The following TENM3 variants were observed in gnomAD, a reference collection of about 807,000 sequenced individuals.
TENM3 encodes teneurin-3.
TENM3 carries 63 observed loss-of-function variants against 255.1 expected under a neutral mutation model. The ratio of observed to expected loss-of-function variants is 0.25; its 90% CI spans 0.20 to 0.30. The LOEUF (loss-of-function observed/expected upper bound fraction) is 0.30. Ranked by LOEUF, TENM3 falls within the 10% of genes least tolerant of loss-of-function variation. TENM3 has a pLI of 1.00. For missense variants in TENM3, 2,929 were observed against 3,461.1 expected, an observed-to-expected ratio of 0.85 and a Z score of 3.86; for synonymous variants, 1,306 against 1,322.3, an observed-to-expected ratio of 0.99 and a Z score of 0.27.
At chr4:182,150,238 G>A (rs900428154) in intron 1 of TENM3, among the ~76,000 whole-genome samples, 3 of 151,344 alleles carry the variant, frequency 2.0e-5, no homozygotes, top group African/African-American at 7.3e-5. Flanking sequence ...GGAAGGGAGG[G>A]GAGTAAGAGA....
chr4:181,639,805 A>G, the TENM3 span, among the ~76,000 whole-genome samples: 1 of 152,096 alleles, frequency 6.6e-6, no homozygotes, highest in Non-Finnish European at 1.5e-5. Flanking sequence ...CTGTGACACT[A>G]CACACTCCTG....
the TENM3 span, among the ~76,000 whole-genome samples, chr4:181,618,442 C>T: frequency 6.6e-6 from 1 of 152,164 alleles, no homozygotes; most frequent in Non-Finnish European, 1.5e-5. Context: ...CAGCTGTTGA[C>T]CAGAGGGTGA....
chr4:182,216,062 C>T (rs529365822), intron 1 of TENM3, among the ~76,000 whole-genome samples: 1 of 152,260 alleles, frequency 6.6e-6, no homozygotes, highest in South Asian at 2.1e-4. Context: ...ATATTTGTTT[C>T]GTGGTTGATT....
the TENM3 span, among the ~76,000 whole-genome samples, chr4:181,467,865 T>C: frequency 6.6e-6 from 1 of 152,180 alleles, no homozygotes; most frequent in Non-Finnish European, 1.5e-5. Context: ...GCAGATATTT[T>C]CATTACTTTC....
the TENM3 span, among the ~76,000 whole-genome samples, chr4:181,989,519 G>T: frequency 6.6e-6 from 1 of 152,092 alleles, no homozygotes; most frequent in Non-Finnish European, 1.5e-5. Flanking sequence ...ATTTTCAAAA[G>T]GTTGATTCCC....
intron 3 of TENM3, among the ~76,000 whole-genome samples, chr4:182,558,699 A>G (rs1013253552): frequency 6.6e-6 from 1 of 152,220 alleles, no homozygotes; most frequent in Non-Finnish European, 1.5e-5. Flanking sequence ...CATGCATTAA[A>G]GTATTTCTCC....
intron 3 of TENM3, among the ~76,000 whole-genome samples, chr4:182,594,770 A>T (rs1181990849): frequency 6.7e-6 from 1 of 148,444 alleles, no homozygotes; most frequent in Admixed American, 6.8e-5. Flanking sequence ...CCCAGACTGG[A>T]GTGCAGTGGC....
rs779485816 is a variant in TENM3 at position 182,793,761 on chromosome 4, G to C, written c.7089G>C (p.Arg2363=). 3.7e-6 allele frequency: 6 copies of C among 1,613,876 alleles called. No homozygotes were observed. Among genetic ancestry groups the C allele is most frequent in the Non-Finnish European group, 5.1e-6 (6 of 1,179,888 alleles). ...GERDYDILAG[R]WTTPDIEIWK... is the part of the protein sequence containing the mutation. ...GAGATTATGACATTTTGGCAGGACG[G>C]TGGACAACACCTGACATAGAAATCT... Residue 2363 remains arginine (R), a synonymous_variant, in exon 26 of 28, where the codon CGG becomes CGC. Transcript: ENST00000511685. The surrounding 1 kb of genome is among the most constrained non-coding windows in gnomAD (Gnocchi z 5.7).
chr4:182,002,475 C>T, the TENM3 span, among the ~76,000 whole-genome samples: 28 of 152,086 alleles, frequency 1.8e-4, no homozygotes, highest in Middle Eastern at 3.4e-3. Context: ...GCTGGAGGAA[C>T]GAAGAGGCTC....
At chr4:182,533,472 G>A (rs1739970116) in intron 3 of TENM3, among the ~76,000 whole-genome samples, 1 of 150,668 alleles carries the variant, frequency 6.6e-6, no homozygotes, top group Non-Finnish European at 1.5e-5. Flanking sequence ...CCAGGAAGTC[G>A]AGGCTGCAGT....
At chr4:181,448,467 G>A in the TENM3 span, among the ~76,000 whole-genome samples, 1 of 152,026 alleles carries the variant, frequency 6.6e-6, no homozygotes, top group African/African-American at 2.4e-5. Flanking sequence ...CACCGCGCCC[G>A]GCCGAAATCC....
the TENM3 span, among the ~76,000 whole-genome samples, chr4:181,562,887 C>T: frequency 6.6e-6 from 1 of 152,064 alleles, no homozygotes; most frequent in Non-Finnish European, 1.5e-5. Context: ...GTTGGCCAGG[C>T]TGGTCTCGAA....
chr4:181,652,903 C>A, the TENM3 span, among the ~76,000 whole-genome samples: 3 of 152,180 alleles, frequency 2.0e-5, no homozygotes, highest in Non-Finnish European at 4.4e-5. Context: ...TTGCCAAGAT[C>A]TTTAACCTCT....
At chr4:182,450,371 T>A (rs561184434) in intron 3 of TENM3, among the ~76,000 whole-genome samples, 1 of 152,138 alleles carries the variant, frequency 6.6e-6, no homozygotes, top group African/African-American at 2.4e-5. Context: ...GTGCAGCATG[T>A]ACTGGTCTGT....
At chr4:181,779,187 G>C in the TENM3 span, among the ~76,000 whole-genome samples, 1 of 152,046 alleles carries the variant, frequency 6.6e-6, no homozygotes, top group Non-Finnish European at 1.5e-5. Context: ...TAGCCATGAT[G>C]TCCTTTAGTG....
chr4:182,101,067 A>AGGG, the TENM3 span, among the ~76,000 whole-genome samples: 7 of 63,572 alleles, frequency 1.1e-4, no homozygotes, highest in Non-Finnish European at 1.9e-4. Flanking sequence ...GAAGGGAGGA[A>AGGG]AAGAAAGGAA....
chr4:181,902,774 G>A, the TENM3 span, among the ~76,000 whole-genome samples: 1 of 151,956 alleles, frequency 6.6e-6, no homozygotes, highest in African/African-American at 2.4e-5. Flanking sequence ...GGGGGTGGGG[G>A]GCAAGGTGAG....
intron 3 of TENM3, among the ~76,000 whole-genome samples, chr4:182,351,965 A>G (rs767656863): frequency 3.9e-5 from 6 of 152,170 alleles, no homozygotes; most frequent in Non-Finnish European, 7.3e-5. Flanking sequence ...TGCCCTTATT[A>G]TTATTTGTAA....
At chr4:181,930,672 C>T in the TENM3 span, among the ~76,000 whole-genome samples, 1 of 152,106 alleles carries the variant, frequency 6.6e-6, no homozygotes, top group Non-Finnish European at 1.5e-5. Context: ...TTTTAGAGGC[C>T]AGCATCATCC....
Sources: allele counts gnomAD v4.1 joint callset (sites outside exome capture counted in the v4.1 genomes callset), GRCh38; gene constraint gnomAD v4.1.1; non-coding constraint Gnocchi (gnomAD v3.1); transcripts MANE v1.5; gene names NCBI Gene and HGNC (gene_info 2026-07-23, HGNC 2026-07-21).